DMD: variants seen among roughly 807,000 people sequenced by gnomAD.
DMD encodes dystrophin, also known as mutant dystrophin.
Under a neutral mutation model 330.1 loss-of-function variants are expected in DMD, and 63 were observed. The observed-to-expected ratio is 0.19, with a 90% confidence interval of 0.16 to 0.24. The LOEUF (loss-of-function observed/expected upper bound fraction) is 0.24, where lower values mean the gene tolerates loss of function less well. Among genes scored for constraint, DMD ranks in the 10% least tolerant of loss-of-function variants. The pLI is 1.00. For synonymous variants in DMD, 1,223 were observed against 959.8 expected (o/e 1.27, Z -5.07); for missense variants, 3,344 against 2,684.1 (o/e 1.25, Z -5.43).
At chrX:32,514,620 A>G (rs1422411411) in intron 18 of DMD, among the ~76,000 whole-genome samples, 6 of 112,195 alleles carry the variant, frequency 5.3e-5, no homozygotes, top group Non-Finnish European at 3.8e-5. Context: ...GGGCGCCTGT[A>G]GTCCCAGCTA....
chrX:32,478,379 GATCAATCTAAAGTCAAGGAGATA>G (rs1355209956), intron 21 of DMD, among the ~76,000 whole-genome samples: 4 of 111,408 alleles, frequency 3.6e-5, no homozygotes, highest in Non-Finnish European at 7.5e-5. Context: ...CATTCCCCAT[GATCAATCTAAAGTCAAGGAGATA>G]ATGCAATCAG....
intron 44 of DMD, among the ~76,000 whole-genome samples, chrX:32,214,542 C>T (rs1217113106): frequency 8.9e-6 from 1 of 111,735 alleles, no homozygotes; most frequent in African/African-American, 3.3e-5. Flanking sequence ...GAAACAATCA[C>T]CAGAGCTCAC....
chrX:32,887,770 A>AAAAAAAAAAAAAAAAAAAAAAAC lies in DMD; in HGVS notation c.94-37951_94-37950insGTTTTTTTTTTTTTTTTTTTTTT, dbSNP rs1383701636. On this transcript the variant is annotated intron_variant, in intron 2 of 78. Transcript: ENST00000357033. ...CAAAAAAAAAAAAAAAAAAAAAAAA[A>AAAAAAAAAAAAAAAAAAAAAAAC]AAAAAACATCAACTAAAAGCTTATG... Among the ~76,000 whole-genome samples the AAAAAAAAAAAAAAAAAAAAAAAC allele has an allele frequency of 3.8e-4, 27 of 70,361 alleles. 3 individuals carry two copies. The highest frequency in any genetic ancestry group is 4.9e-4 in the Non-Finnish European group (17 of 34,640). 61.1% of individuals were successfully genotyped at this position (70,361 alleles called of 115,157 possible). A position where few individuals can be genotyped will look rare whatever the true frequency, so the allele number is the denominator to read the frequency against.
At chrX:32,811,174 T>A (rs7892620) in intron 6 of DMD, among the ~76,000 whole-genome samples, 29 of 90,315 alleles carry the variant, frequency 3.2e-4, no homozygotes, top group African/African-American at 1.7e-3. Flanking sequence ...TCTCTACAAC[T>A]TATTAAAAAA....
intron 34 of DMD, among the ~76,000 whole-genome samples, chrX:32,372,793 T>G (rs964603542): frequency 2.2e-4 from 25 of 112,020 alleles, no homozygotes; most frequent in Non-Finnish European, 4.0e-4. Context: ...ATCATCAATC[T>G]TTTATCTCAT....
chrX:31,834,766 A>C (rs2149487199), intron 49 of DMD, among the ~76,000 whole-genome samples: 1 of 111,446 alleles, frequency 9.0e-6, no homozygotes, highest in East Asian at 2.8e-4. Flanking sequence ...TTTTCTCCAA[A>C]TCCAAGGGAG....
intron 41 of DMD, among the ~76,000 whole-genome samples, chrX:32,330,531 C>A (rs2097673958): frequency 9.0e-6 from 1 of 111,686 alleles, no homozygotes; most frequent in African/African-American, 3.2e-5. Context: ...ATCTGAGCTC[C>A]CTTCCAGCTG....
chrX:32,695,577 A>T (rs1271871601), intron 9 of DMD, among the ~76,000 whole-genome samples: 3 of 111,501 alleles, frequency 2.7e-5, no homozygotes, highest in Admixed American at 9.6e-5. Flanking sequence ...ACTTCATAAT[A>T]AACTTCACTT....
intron 48 of DMD, among the ~76,000 whole-genome samples, chrX:31,841,603 A>G (rs2093319717): frequency 8.9e-6 from 1 of 112,120 alleles, no homozygotes; most frequent in South Asian, 3.7e-4. Context: ...GGCTAATGCA[A>G]TTGATGACTT....
At chrX:32,858,350 A>G (rs1032895811) in intron 2 of DMD, among the ~76,000 whole-genome samples, 3 of 111,950 alleles carry the variant, frequency 2.7e-5, no homozygotes, top group African/African-American at 9.8e-5. Context: ...TTATTTTTTG[A>G]GACAGAGTCT....
intron 44 of DMD, among the ~76,000 whole-genome samples, chrX:32,075,513 T>C (rs1440893748): frequency 8.9e-6 from 1 of 111,938 alleles, no homozygotes; most frequent in Non-Finnish European, 1.9e-5. Flanking sequence ...AACTTTAATG[T>C]GAAGTTATTA....
At chrX:31,411,178 T>C (rs2061628926) in intron 60 of DMD, among the ~76,000 whole-genome samples, 1 of 111,209 alleles carries the variant, frequency 9.0e-6, no homozygotes, top group African/African-American at 3.3e-5. Context: ...CATTATTCCT[T>C]ACTTACAATG....
chrX:32,201,141 A>G (rs2097034030), intron 44 of DMD, among the ~76,000 whole-genome samples: 1 of 112,251 alleles, frequency 8.9e-6, no homozygotes, highest in African/African-American at 3.2e-5. Flanking sequence ...TGAGCCCTAT[A>G]TAAACTATAT....
chrX:33,280,164 C>G (rs1427368760), intron 1 of DMD, among the ~76,000 whole-genome samples: 1 of 110,430 alleles, frequency 9.1e-6, no homozygotes, highest in Non-Finnish European at 1.9e-5. Context: ...TGTATTTTTA[C>G]TAGAGACAGA....
intron 37 of DMD, among the ~76,000 whole-genome samples, chrX:32,356,976 G>A (rs1005725700): frequency 2.6e-4 from 29 of 110,845 alleles, no homozygotes; most frequent in African/African-American, 9.2e-4. Context: ...TGCAACCTCC[G>A]CCTCCCGGGT....
intron 34 of DMD, 135 bp from the exon 35 acceptor site, chrX:32,365,334 A>G: frequency 5.2e-6 from 3 of 575,763 alleles, no homozygotes; most frequent in Non-Finnish European, 8.4e-6. Flanking sequence ...ATGAATCATG[A>G]AAACCATACC....
chrX:32,544,217 C>G (rs971538974), intron 17 of DMD, among the ~76,000 whole-genome samples: 7 of 111,151 alleles, frequency 6.3e-5, no homozygotes, highest in Non-Finnish European at 1.3e-4. Flanking sequence ...GGTCATAAGT[C>G]ATTAGTTAAT....
At position 32,484,955 on chromosome X, in the gene DMD, A is replaced by G; in HGVS notation, c.2767T>C (p.Ser923Pro). The change falls in exon 21 of 79, where the codon TCT (serine) becomes CCT (proline). Residue 923 changes from serine (S) to proline (P), a missense_variant. Physicochemically the swap from Ser to Pro is moderately conservative, Grantham distance 74 (BLOSUM62 -1). Transcript: ENST00000357033. ...TCTTTCTCTCTGGCCTGCACATCAGAAAAGACTTGCTTAAAATGATTTGTA... is the reference window on the plus strand; with the variant it reads ...TCTTTCTCTCTGGCCTGCACATCAGGAAAGACTTGCTTAAAATGATTTGTA... ...AFTNHFKQVFSDVQAREKELQ... is the reference protein window; with the variant it reads ...AFTNHFKQVFPDVQAREKELQ... The G allele has an allele frequency of 8.3e-7, 1 of 1,211,649 alleles. No individual in the cohort carries two copies. The highest frequency in any genetic ancestry group is 1.1e-6 in the Non-Finnish European group (1 of 895,432).
rs186031963 is a variant in DMD, at chrX:32,054,283, C to G, written c.6439-85769G>C. ...ATGTATACATGTGCCATGTTGGTGTCCTGCACCCATTAACTGGTCATTTAG... is the reference window on the plus strand; with the variant it reads ...ATGTATACATGTGCCATGTTGGTGTGCTGCACCCATTAACTGGTCATTTAG... On this transcript the variant is annotated intron_variant, in intron 44 of 78. Coordinates refer to ENST00000357033, the MANE Select transcript of DMD (RefSeq NM_004006.3). 9.3e-3 allele frequency among the ~76,000 whole-genome samples: 916 copies of G among 99,021 alleles called. 7 individuals carry two copies. Among genetic ancestry groups the G allele is most frequent in the Middle Eastern group, 0.043 (9 of 207 alleles). 86.0% of individuals were successfully genotyped at this position (99,021 alleles called of 115,157 possible).
Sources: gnomAD v4.1 joint callset for allele counts (sites outside exome capture counted in the v4.1 genomes callset) on GRCh38, gnomAD v4.1.1 for gene constraint, MANE v1.5 for transcripts, NCBI Gene and HGNC (gene_info 2026-07-23, HGNC 2026-07-21) for gene names.